PDLIM5: variants seen among roughly 807,000 people sequenced by gnomAD.
PDLIM5 encodes the protein PDZ and LIM domain protein 5.
In PDLIM5, 34 loss-of-function variants were observed where a neutral mutation model predicts 64.2. The observed-to-expected ratio is 0.53, with a 90% CI of 0.40 to 0.71. The LOEUF (loss-of-function observed/expected upper bound fraction) is 0.71, where lower values mean the gene tolerates loss of function less well. PDLIM5 is among the 30% of genes least tolerant of loss of function. PDLIM5 has a pLI of 0.00. For synonymous variants in PDLIM5, 253 were observed against 269.1 expected, an observed-to-expected ratio of 0.94 and a Z score of 0.59; for missense variants, 683 against 733.6, an observed-to-expected ratio of 0.93 and a Z score of 0.80.
chr4:94,563,963 T>C (rs1024750294), intron 3 of PDLIM5, among the ~76,000 whole-genome samples: 9 of 149,056 alleles, frequency 6.0e-5, no homozygotes, highest in African/African-American at 1.7e-4. Flanking sequence ...TCTTTCTTTT[T>C]TTTTTTTTTT....
Position 94,543,849 on chromosome 4 carries a change from G to A in PDLIM5, c.248+19974G>A, listed in dbSNP as rs1036433475. Among the ~76,000 whole-genome samples, 4 of 143,616 alleles carry A rather than the reference G, an allele frequency of 2.8e-5. No individual in the cohort carries two copies. In the East Asian group the frequency reaches 8.5e-4, roughly 31 times the overall value. The allele number at this position is 143,616 out of a possible 152,430, so 94.2% of individuals were successfully genotyped here. On this transcript the variant is annotated intron_variant, in intron 3 of 12. Coordinates refer to ENST00000317968, the MANE Select transcript of PDLIM5 (RefSeq NM_006457.5). The stretch of plus-strand genomic sequence containing the variant: ...GTGTGTGTGTGTTTTCTTTATCCTT[G>A]CATTTATTGATGGACACTTAGGTTG...
intron 3 of PDLIM5, among the ~76,000 whole-genome samples, chr4:94,529,535 T>G (rs1730670880): frequency 6.6e-6 from 1 of 152,162 alleles, no homozygotes; most frequent in Non-Finnish European, 1.5e-5. Flanking sequence ...AAAATAGGAT[T>G]TAGATAAGAA....
chr4:94,550,811 GTCA>G (rs1181630272), intron 3 of PDLIM5, among the ~76,000 whole-genome samples: 1 of 151,988 alleles, frequency 6.6e-6, no homozygotes, highest in Non-Finnish European at 1.5e-5. Flanking sequence ...ATAGAATTTT[GTCA>G]TCTTCTTGTA....
intron 2 of PDLIM5, among the ~76,000 whole-genome samples, chr4:94,492,843 A>G (rs1726995556): frequency 6.6e-6 from 1 of 152,122 alleles, no homozygotes; most frequent in African/African-American, 2.4e-5. Context: ...TTTGTGCACA[A>G]ATTTTTGTGT....
At chr4:94,478,731 C>T (rs1001104043) in intron 2 of PDLIM5, among the ~76,000 whole-genome samples, 26 of 152,040 alleles carry the variant, frequency 1.7e-4, no homozygotes, top group African/African-American at 4.6e-4. Context: ...GGTCATGGCT[C>T]AGTTAGGCTT....
In PDLIM5 at chr4:94,668,157, TA is replaced by T. The variant is rs1165682360; in HGVS notation, c.*4092del. ...CTAATTAGAAGTCACATGATAAATA[TA>T]ATCAGTATAGTAATAATACCATAAT... On this transcript the variant is annotated 3_prime_UTR_variant, in exon 13 of 13. Transcript: ENST00000317968. 1 of 152,188 alleles carries T rather than the reference TA, an allele frequency of 6.6e-6. No homozygotes were observed. Among genetic ancestry groups the T allele is most frequent in the Non-Finnish European group, 1.5e-5 (1 of 68,024 alleles). 9.4% of individuals were successfully genotyped at this position (152,188 alleles called of 1,614,324 possible).
chr4:94,602,788 C>T (rs1388439499), intron 7 of PDLIM5, among the ~76,000 whole-genome samples: 5 of 152,094 alleles, frequency 3.3e-5, no homozygotes, highest in Non-Finnish European at 5.9e-5. Context: ...CCTCATTCCA[C>T]TGAAGTTATT....
chr4:94,581,297 A>G (rs1735712650), intron 5 of PDLIM5, among the ~76,000 whole-genome samples: 1 of 152,212 alleles, frequency 6.6e-6, no homozygotes, highest in Non-Finnish European at 1.5e-5. Context: ...GGTTGAAATC[A>G]GTCAACCCTC....
At chr4:94,501,143 C>T (rs114876623) in intron 2 of PDLIM5, among the ~76,000 whole-genome samples, 1,758 of 150,218 alleles carry the variant, frequency 0.012, 39 homozygotes, top group African/African-American at 0.041. Context: ...CAGGAACACA[C>T]CTCACTGCAG....
chr4:94,610,263 C>A, intron 7 of PDLIM5: 1 of 1,520,526 alleles, frequency 6.6e-7, no homozygotes, highest in Non-Finnish European at 8.8e-7. Flanking sequence ...TTCTGAGCAG[C>A]GCAGCTGCTA....
rs184240862 is a variant in PDLIM5, at chr4:94,524,428, T to C, written c.248+553T>C. On this transcript the variant is annotated intron_variant, in intron 3 of 12. Transcript: ENST00000317968. ...ACAGCTTCAGAGAATTCAGGAATTC[T>C]TGAAATTTCTCAATGGAGTGCAGGC... is the stretch of plus-strand genomic sequence containing the variant. Among the ~76,000 whole-genome samples the C allele has an allele frequency of 2.1e-3, 317 of 151,634 alleles. 2 individuals carry two copies. Among genetic ancestry groups the C allele is most frequent in the African/African-American group, 6.9e-3 (286 of 41,374 alleles).
intron 2 of PDLIM5, among the ~76,000 whole-genome samples, chr4:94,474,716 C>G (rs1365379832): frequency 6.6e-6 from 1 of 152,134 alleles, no homozygotes; most frequent in African/African-American, 2.4e-5. Flanking sequence ...CAGTCAAGAT[C>G]ACAGCTCACT....
At chr4:94,521,804 A>G (rs182569831) in intron 2 of PDLIM5, among the ~76,000 whole-genome samples, 1 of 152,016 alleles carries the variant, frequency 6.6e-6, no homozygotes, top group African/African-American at 2.4e-5. Flanking sequence ...AGACTACTTT[A>G]TGTGAGGATG....
intron 2 of PDLIM5, among the ~76,000 whole-genome samples, chr4:94,461,289 T>C (rs1007983411): frequency 2.6e-5 from 4 of 152,132 alleles, no homozygotes; most frequent in African/African-American, 9.7e-5. Flanking sequence ...TTGACAAAAC[T>C]AGATATTAGC....
chr4:94,619,999 C>T (rs1739094266), intron 8 of PDLIM5, among the ~76,000 whole-genome samples: 1 of 152,096 alleles, frequency 6.6e-6, no homozygotes, highest in African/African-American at 2.4e-5. Context: ...TCCCACCCTT[C>T]CTTAACAAAT....
intron 9 of PDLIM5, among the ~76,000 whole-genome samples, chr4:94,643,089 G>C (rs1339293173): frequency 4.0e-5 from 6 of 151,780 alleles, no homozygotes; most frequent in African/African-American, 1.2e-4. Flanking sequence ...CAGCAGAGTT[G>C]ATTGTTTTAG....
chr4:94,586,409 GA>G lies in PDLIM5; in HGVS notation c.888del (p.Glu297AsnfsTer24). Reference protein sequence around the residue: ...LAQITGTEHLKESEADNTKKA... With the variant: ...LAQITGTEHLXESEADNTKKA... ...TGGATATTGCTTATTATATTTCAGTGAAAGAATCTGAAGCCGATAATACAAA... is the reference window on the plus strand; with the variant it reads ...TGGATATTGCTTATTATATTTCAGTGAAGAATCTGAAGCCGATAATACAAA... On this transcript the variant is annotated frameshift_variant and splice_region_variant, in exon 7 of 13. Transcript: ENST00000317968. LOFTEE classifies it high-confidence loss of function. The G allele has an allele frequency of 1.3e-6, 2 of 1,491,318 alleles. No individual in the cohort carries two copies. Among genetic ancestry groups the G allele is most frequent in the Non-Finnish European group, 1.9e-6 (2 of 1,074,392 alleles). The allele number at this position is 1,491,318 out of a possible 1,614,324, so 92.4% of individuals were successfully genotyped here. A position where few individuals can be genotyped will look rare whatever the true frequency, so the allele number is the denominator to read the frequency against.
chr4:94,655,548 A>G (rs1357321217), intron 10 of PDLIM5, among the ~76,000 whole-genome samples: 3 of 152,220 alleles, frequency 2.0e-5, no homozygotes, highest in Non-Finnish European at 4.4e-5. Flanking sequence ...CGTTGAAGAC[A>G]CTTAAAATTA....
At chr4:94,588,116 G>A (rs1736388288) in intron 7 of PDLIM5, 1 of 938,216 alleles carries the variant, frequency 1.1e-6, no homozygotes, top group Non-Finnish European at 1.3e-6. Flanking sequence ...TAATAAAGTT[G>A]CCTTTAACTT....
Sources: allele counts gnomAD v4.1 joint callset (sites outside exome capture counted in the v4.1 genomes callset), GRCh38; gene constraint gnomAD v4.1.1; transcripts MANE v1.5; gene names NCBI Gene and HGNC (gene_info 2026-07-23, HGNC 2026-07-21).